Variants in XPR1 observed in about 807,000 individuals in gnomAD.
The protein encoded by XPR1 is xenotropic and polytropic retrovirus receptor 1.
In XPR1, 28 loss-of-function variants were observed where a neutral mutation model predicts 87.5. The observed-to-expected ratio is 0.32, with a 90% CI of 0.24 to 0.44. The LOEUF (loss-of-function observed/expected upper bound fraction) is 0.44, where lower values mean the gene tolerates loss of function less well. Among genes scored for constraint, XPR1 ranks in the 20% least tolerant of loss-of-function variants. The pLI is 1.00. For synonymous variants in XPR1, 300 were observed against 306.1 expected (o/e 0.98, Z 0.21); for missense variants, 559 against 862.3 (o/e 0.65, Z 4.41).
intron 2 of XPR1, among the ~76,000 whole-genome samples, chr1:180,708,791 T>A (rs565824371): frequency 6.6e-6 from 1 of 152,256 alleles, no homozygotes; most frequent in East Asian, 1.9e-4. Flanking sequence ...AATATTGTTT[T>A]TTAACAAAAA....
rs1209137343 is a variant in XPR1 at position 180,886,422 on chromosome 1, A to G, written c.*2356A>G. The G allele has an allele frequency of 6.6e-6, 1 of 152,214 alleles. No individual in the cohort carries two copies. The highest frequency in any genetic ancestry group is 1.5e-5 in the Non-Finnish European group (1 of 68,028). The allele number at this position is 152,214 out of a possible 1,614,324, so 9.4% of individuals were successfully genotyped here. ...TGGCACACATAAAATCTTACAGTTG[A>G]CTTCTGCTGTTTGAATTCCCCAGTG... On this transcript the variant is annotated 3_prime_UTR_variant, in exon 15 of 15. Transcript: ENST00000367590.
chr1:180,715,803 G>A (rs146096658), intron 2 of XPR1, among the ~76,000 whole-genome samples: 4,695 of 151,920 alleles, frequency 0.031, 106 homozygotes, highest in African/African-American at 0.06. Context: ...CTCCTGAGTA[G>A]CTGGAATTAC....
intron 11 of XPR1, among the ~76,000 whole-genome samples, chr1:180,852,626 G>T (rs562242627): frequency 6.6e-6 from 1 of 152,288 alleles, no homozygotes; most frequent in East Asian, 1.9e-4. Context: ...TCAGCTCACT[G>T]CAGCCTTGAC....
At chr1:180,781,316 T>G (rs887651738) in intron 2 of XPR1, among the ~76,000 whole-genome samples, 1 of 152,012 alleles carries the variant, frequency 6.6e-6, no homozygotes, top group Non-Finnish European at 1.5e-5. Flanking sequence ...AAAAAAGACA[T>G]AATCCCCATC....
intron 1 of XPR1, among the ~76,000 whole-genome samples, chr1:180,635,673 T>A (rs1051800361): frequency 6.6e-6 from 1 of 152,158 alleles, no homozygotes; most frequent in African/African-American, 2.4e-5. Context: ...TCCAGAGGGG[T>A]TAAGCCACTT....
In XPR1 at chr1:180,847,203, A is replaced by G. The variant is rs569510551; in HGVS notation, c.1501+10487A>G. Among the ~76,000 whole-genome samples, 12 of 152,358 alleles carry G rather than the reference A, an allele frequency of 7.9e-5. No homozygotes were observed. In the South Asian group the frequency reaches 8.3e-4, roughly 11 times the overall value. ...AGGCAGAAACTCTAAGATCTGTTAT[A>G]TAGTCTTCTCACTTATGAATATTAG... On this transcript the variant is annotated intron_variant, in intron 11 of 14. Coordinates refer to ENST00000367590, the MANE Select transcript of XPR1 (RefSeq NM_004736.4).
rs1024728521 is a variant in XPR1 at position 180,885,089 on chromosome 1, C to A, written c.*1023C>A. 2 of 152,516 alleles carry A rather than the reference C, an allele frequency of 1.3e-5. No individual in the cohort carries two copies. The highest frequency in any genetic ancestry group is 2.9e-5 in the Non-Finnish European group (2 of 68,018). The allele number at this position is 152,516 out of a possible 1,614,324, so 9.4% of individuals were successfully genotyped here. The stretch of plus-strand genomic sequence containing the variant: ...CTTATTATGCATCCACATGTATGGT[C>A]CCTGTAGCGTGACCTTTACTAGCTC... On this transcript the variant is annotated 3_prime_UTR_variant, in exon 15 of 15. Coordinates refer to ENST00000367590, the MANE Select transcript of XPR1 (RefSeq NM_004736.4).
At chr1:180,674,871 G>A (rs762588234) in intron 1 of XPR1, among the ~76,000 whole-genome samples, 1 of 152,034 alleles carries the variant, frequency 6.6e-6, no homozygotes, top group Non-Finnish European at 1.5e-5. Context: ...AAAAGAACAT[G>A]TATATTGGCA....
At chr1:180,729,208 T>TA (rs1199140711) in intron 2 of XPR1, among the ~76,000 whole-genome samples, 3 of 152,220 alleles carry the variant, frequency 2.0e-5, no homozygotes, top group Non-Finnish European at 2.9e-5. Flanking sequence ...TCCATGGTGT[T>TA]ATATGTATCA....
rs1378621484 is a variant in XPR1, at chr1:180,704,274, A to ATATG, written c.121+21866_121+21867insGTAT. ...TATATATATATATATATATATATATATATTATCAGATTATCTGTTTTGTTA... is the reference window on the plus strand; with the variant it reads ...TATATATATATATATATATATATATATATGTATTATCAGATTATCTGTTTTGTTA... On this transcript the variant is annotated intron_variant, in intron 2 of 14. Transcript: ENST00000367590. 7.8e-5 allele frequency among the ~76,000 whole-genome samples: 11 copies of ATATG among 141,682 alleles called. No homozygotes were observed. In the South Asian group the frequency reaches 2.5e-3, roughly 33 times the overall value. The allele number at this position is 141,682 out of a possible 152,430, so 92.9% of individuals were successfully genotyped here. A position where few individuals can be genotyped will look rare whatever the true frequency, so the allele number is the denominator to read the frequency against.
At chr1:180,671,467 A>G (rs942320161) in intron 1 of XPR1, among the ~76,000 whole-genome samples, 1 of 152,178 alleles carries the variant, frequency 6.6e-6, no homozygotes, top group Admixed American at 6.5e-5. Context: ...CACTAGGATA[A>G]TGATTTTTAT....
intron 2 of XPR1, among the ~76,000 whole-genome samples, chr1:180,715,094 A>C (rs937365394): frequency 1.3e-5 from 2 of 152,188 alleles, no homozygotes; most frequent in African/African-American, 4.8e-5. Context: ...GTATTGGTTA[A>C]ATGTAGGCAG....
chr1:180,681,030 T>C (rs776529719), intron 1 of XPR1, among the ~76,000 whole-genome samples: 1 of 152,048 alleles, frequency 6.6e-6, no homozygotes, highest in African/African-American at 2.4e-5. Flanking sequence ...AAATAAAAAG[T>C]AGTGCAGAGA....
rs748041624 is a variant in XPR1, at chr1:180,811,452, A to G, written c.727A>G (p.Ile243Val). Residue 243 changes from isoleucine to valine, a missense_variant, in exon 7 of 15, where the codon ATA (isoleucine) becomes GTA (valine). Ile to Val is a conservative substitution (Grantham distance 29). Around this residue, in one of 7 missense-constraint regions of XPR1, gnomAD observed 9 missense variants for 31.2 expected, o/e 0.29. Coordinates refer to ENST00000367590, the MANE Select transcript of XPR1 (RefSeq NM_004736.4). Reference sequence around the variant, plus strand: ...TTTTAGAGTTGGCCTATTTTGTGGAATATTCATTGTACTGAATATTACCCT... The same window carrying G: ...TTTTAGAGTTGGCCTATTTTGTGGAGTATTCATTGTACTGAATATTACCCT... ...TTFRVGLFCG[I>V]FIVLNITLVL... The G allele has an allele frequency of 9.9e-6, 16 of 1,613,498 alleles. No individual in the cohort carries two copies. The South Asian group carries it at 1.6e-4, about 17-fold the overall frequency.
At chr1:180,679,621 T>C (rs1338250422) in intron 1 of XPR1, among the ~76,000 whole-genome samples, 1 of 152,214 alleles carries the variant, frequency 6.6e-6, no homozygotes, top group Non-Finnish European at 1.5e-5. Context: ...CTCATTCTTG[T>C]TCCCCAATGA....
At chr1:180,634,803 T>G (rs1654712041) in intron 1 of XPR1, among the ~76,000 whole-genome samples, 1 of 151,864 alleles carries the variant, frequency 6.6e-6, no homozygotes, top group Non-Finnish European at 1.5e-5. Flanking sequence ...AATTAGAATC[T>G]GAAAATTTTG....
intron 12 of XPR1, 104 bp downstream of exon 12, chr1:180,863,978 A>AT: frequency 1.1e-6 from 1 of 896,800 alleles, no homozygotes; most frequent in Non-Finnish European, 1.5e-6. Context: ...ACTCTAATAT[A>AT]ATTAGAAAAA....
chr1:180,731,720 A>C (rs1658561426), intron 2 of XPR1, among the ~76,000 whole-genome samples: 1 of 152,216 alleles, frequency 6.6e-6, no homozygotes, highest in South Asian at 2.1e-4. Context: ...TCAATATAAA[A>C]ATTATCAATG....
At chr1:180,744,573 T>C (rs1034467282) in intron 2 of XPR1, among the ~76,000 whole-genome samples, 17 of 151,978 alleles carry the variant, frequency 1.1e-4, no homozygotes, top group African/African-American at 3.9e-4. Flanking sequence ...ATTTTGGATA[T>C]TATGTTAGAA....
Sources: allele counts gnomAD v4.1 joint callset (sites outside exome capture counted in the v4.1 genomes callset), GRCh38; gene constraint gnomAD v4.1.1; regional missense constraint gnomAD v4.1.1; transcripts MANE v1.5; gene names NCBI Gene and HGNC (gene_info 2026-07-23, HGNC 2026-07-21).